Variants in HTR4 observed in about 807,000 individuals in gnomAD.
HTR4 encodes 5-hydroxytryptamine (serotonin) receptor 4, G protein-coupled.
Under a neutral mutation model 36.8 loss-of-function variants are expected in HTR4, and 16 were observed. The ratio of observed to expected loss-of-function variants is 0.43; its 90% CI spans 0.29 to 0.66. HTR4 has a LOEUF of 0.66. Among genes scored for constraint, HTR4 ranks in the 30% least tolerant of loss-of-function variants. The pLI is 0.13. For missense variants in HTR4, 438 were observed against 490.9 expected (o/e 0.89, Z 1.02); for synonymous variants, 189 against 185.1 (o/e 1.02, Z -0.17).
intron 2 of HTR4, among the ~76,000 whole-genome samples, chr5:148,633,659 A>G (rs1441396643): frequency 3.3e-5 from 5 of 151,848 alleles, no homozygotes; most frequent in African/African-American, 9.7e-5. Flanking sequence ...CGTATTAAAT[A>G]CTTTAGTTCA....
chr5:148,471,159 T>C (rs1427604234), intron 5 of HTR4, among the ~76,000 whole-genome samples: 2 of 152,198 alleles, frequency 1.3e-5, no homozygotes, highest in Non-Finnish European at 2.9e-5. Context: ...GCTGTTAAAA[T>C]GTAGGATATT....
At chr5:148,490,920 A>G in intron 6 of HTR4, 1 of 441,380 alleles carries the variant, frequency 2.3e-6, no homozygotes, top group Non-Finnish European at 4.5e-6. Flanking sequence ...AGTTCCTTCT[A>G]CTGTTATTTA....
intron 4 of HTR4, among the ~76,000 whole-genome samples, chr5:148,533,149 C>G (rs540092891): frequency 6.6e-6 from 1 of 152,312 alleles, no homozygotes; most frequent in Admixed American, 6.5e-5. Flanking sequence ...TGTCTCATCT[C>G]AGGAATACAT....
chr5:148,578,254 G>C (rs1045200818), intron 2 of HTR4, among the ~76,000 whole-genome samples: 2 of 151,980 alleles, frequency 1.3e-5, no homozygotes, highest in East Asian at 3.9e-4. Context: ...GATTTGTTCT[G>C]TTGTGCAGTG....
At chr5:148,497,553 T>G (rs1756742619) in intron 6 of HTR4, among the ~76,000 whole-genome samples, 1 of 152,228 alleles carries the variant, frequency 6.6e-6, no homozygotes, top group Non-Finnish European at 1.5e-5. Flanking sequence ...ATTCCTCACT[T>G]TAGTGGGAAT....
At chr5:148,511,263 T>A (rs1459182305) in intron 5 of HTR4, among the ~76,000 whole-genome samples, 1 of 152,236 alleles carries the variant, frequency 6.6e-6, no homozygotes, top group Non-Finnish European at 1.5e-5. Flanking sequence ...GCCTGTGTAA[T>A]TATTATTCAA....
chr5:148,522,827 A>C (rs1275100649), intron 5 of HTR4, among the ~76,000 whole-genome samples: 2 of 152,134 alleles, frequency 1.3e-5, no homozygotes, highest in African/African-American at 4.8e-5. Context: ...AGACAGGCCA[A>C]GGTGATCATA....
chr5:148,594,534 T>G (rs1169029863), intron 2 of HTR4, among the ~76,000 whole-genome samples: 1 of 152,184 alleles, frequency 6.6e-6, no homozygotes, highest in African/African-American at 2.4e-5. Flanking sequence ...AGAAAAATTT[T>G]GAAATCCAAC....
At chr5:148,534,563 G>A (rs1015317053) in intron 4 of HTR4, among the ~76,000 whole-genome samples, 4 of 152,142 alleles carry the variant, frequency 2.6e-5, no homozygotes, top group Non-Finnish European at 4.4e-5. Context: ...CACTGCTTCT[G>A]CAGTGGAACT....
chr5:148,582,686 A>C (rs1333642882), intron 2 of HTR4, among the ~76,000 whole-genome samples: 3 of 152,132 alleles, frequency 2.0e-5, no homozygotes, highest in Non-Finnish European at 2.9e-5. Flanking sequence ...TTCTTTATAT[A>C]AAAGAATGGT....
Position 148,509,986 on chromosome 5 carries a change from C to G in HTR4, c.546G>C (p.Thr182=). 1 of 1,613,230 alleles carries G rather than the reference C, an allele frequency of 6.2e-7. No individual in the cohort carries two copies. Among genetic ancestry groups the G allele is most frequent in the South Asian group, 1.1e-5 (1 of 90,990 alleles). ...KRKFNQNSNS[T]YCVFMVNKPY... ...GCTTGTTGACCATGAAGACACAGTA[C>G]GTAGAGTTAGAGTTCTGGTTGAACT... The change falls in exon 6 of 7, where the codon ACG becomes ACC. Residue 182 remains threonine, a synonymous_variant. Transcript: ENST00000377888.
At chr5:148,568,493 C>G (rs1760545087) in intron 2 of HTR4, among the ~76,000 whole-genome samples, 1 of 152,086 alleles carries the variant, frequency 6.6e-6, no homozygotes, top group Non-Finnish European at 1.5e-5. Context: ...TCCCTGTCCT[C>G]ATAGAGCAAG....
intron 6 of HTR4, among the ~76,000 whole-genome samples, chr5:148,487,852 G>T (rs113600661): frequency 9.2e-5 from 14 of 152,232 alleles, no homozygotes; most frequent in African/African-American, 3.4e-4. Flanking sequence ...CAAAGGGAAA[G>T]GAATGGAAAC....
chr5:148,564,012 G>A (rs1223499748), intron 2 of HTR4, among the ~76,000 whole-genome samples: 1 of 152,168 alleles, frequency 6.6e-6, no homozygotes, highest in Non-Finnish European at 1.5e-5. Flanking sequence ...TCTCAACACT[G>A]AAGTCAAGAT....
At chr5:148,636,476 T>C (rs1581575972) in intron 2 of HTR4, among the ~76,000 whole-genome samples, 2 of 152,140 alleles carry the variant, frequency 1.3e-5, no homozygotes, top group African/African-American at 4.8e-5. Context: ...TACTATTTCA[T>C]CTCCAAGGCT....
intron 2 of HTR4, among the ~76,000 whole-genome samples, chr5:148,602,790 T>A (rs1049230926): frequency 3.9e-5 from 6 of 152,126 alleles, no homozygotes; most frequent in African/African-American, 1.4e-4. Context: ...AAGTTATCAG[T>A]ATCTGGAATG....
chr5:148,476,831 G>A, downstream of HTR4: 4 of 1,597,652 alleles, frequency 2.5e-6, no homozygotes, highest in Non-Finnish European at 3.4e-6. Flanking sequence ...CAAATAAAAT[G>A]TTTGGGGATT....
intron 1 of HTR4, 74 bp from the exon 2 acceptor site, chr5:148,637,135 C>T: frequency 1.1e-6 from 1 of 914,168 alleles, no homozygotes; most frequent in South Asian, 1.5e-5. Flanking sequence ...TTTTAAAAAA[C>T]TCAAATAACT....
intron 2 of HTR4, among the ~76,000 whole-genome samples, chr5:148,578,679 G>A (rs554471417): frequency 6.6e-6 from 1 of 152,116 alleles, no homozygotes; most frequent in South Asian, 2.1e-4. Context: ...TTTACCCAGG[G>A]CAAGTTATTT....
Sources: allele counts gnomAD v4.1 joint callset (sites outside exome capture counted in the v4.1 genomes callset), GRCh38; gene constraint gnomAD v4.1.1; transcripts MANE v1.5; gene names NCBI Gene and HGNC (gene_info 2026-07-23, HGNC 2026-07-21).